NPFFR2: variants seen among roughly 807,000 people sequenced by gnomAD.
The protein encoded by NPFFR2 is neuropeptide FF receptor 2.
NPFFR2 carries 15 observed loss-of-function variants against 13.1 expected under a neutral mutation model. The ratio of observed to expected loss-of-function variants is 1.15; its 90% CI spans 0.77 to 1.76. NPFFR2 has a LOEUF of 1.76. Ranked by LOEUF, NPFFR2 falls within the 40% of genes most tolerant of loss-of-function variation. NPFFR2 has a pLI of 0.00. For missense variants in NPFFR2, 572 were observed against 503.5 expected (o/e 1.14, Z -1.30); for synonymous variants, 190 against 175.7 (o/e 1.08, Z -0.65).
At chr4:72,123,879 C>T (rs572553189) in intron 1 of NPFFR2, among the ~76,000 whole-genome samples, 1 of 152,210 alleles carries the variant, frequency 6.6e-6, no homozygotes, top group East Asian at 1.9e-4. Flanking sequence ...TCTCTCACCA[C>T]TCCTATTCAA....
At chr4:72,117,133 A>G (rs1324310629) in intron 1 of NPFFR2, among the ~76,000 whole-genome samples, 2 of 152,128 alleles carry the variant, frequency 1.3e-5, no homozygotes, top group South Asian at 2.1e-4. Context: ...AAACCTTGCT[A>G]TAGCCTGTAA....
chr4:72,141,083 T>C (rs1314146293), intron 3 of NPFFR2, among the ~76,000 whole-genome samples: 1 of 152,174 alleles, frequency 6.6e-6, no homozygotes, highest in Non-Finnish European at 1.5e-5. Context: ...GTAGTTTGTA[T>C]TTCTGTGGGA....
In NPFFR2 at chr4:72,052,153, G is replaced by A. The variant is rs1719605516; in HGVS notation, c.-8+19953G>A. 9.7e-5 allele frequency among the ~76,000 whole-genome samples: 4 copies of A among 41,142 alleles called. No homozygotes were observed. In the Admixed American group the frequency reaches 9.9e-4, roughly 10 times the overall value. The allele number at this position is 41,142 out of a possible 152,430, so 27.0% of individuals were successfully genotyped here. A position where few individuals can be genotyped will look rare whatever the true frequency, so the allele number is the denominator to read the frequency against. ...CTCCCTAACTCATTTTATGAGGCCA[G>A]CATCATTCTGATACCAAAGCCGGGC... On this transcript the variant is annotated intron_variant, in intron 1 of 3. Transcript: ENST00000308744.
intron 3 of NPFFR2, chr4:72,146,741 T>C (rs1014677539): frequency 8.9e-6 from 4 of 450,974 alleles, no homozygotes; most frequent in Non-Finnish European, 1.6e-5. Context: ...TGTTCATTAT[T>C]ACTTTTTATT....
intron 1 of NPFFR2, among the ~76,000 whole-genome samples, chr4:72,086,240 G>A (rs565135151): frequency 2.8e-4 from 42 of 152,118 alleles, no homozygotes; most frequent in Middle Eastern, 6.8e-3. Flanking sequence ...GTGAACTAGC[G>A]AAGTCCATAA....
At chr4:72,126,743 T>G (rs185187680) in intron 1 of NPFFR2, among the ~76,000 whole-genome samples, 6 of 152,298 alleles carry the variant, frequency 3.9e-5, no homozygotes, top group Non-Finnish European at 8.8e-5. Flanking sequence ...CTAGTGAGCT[T>G]CTCTGGTTGA....
Position 72,147,417 on chromosome 4 carries a change from C to A in NPFFR2, c.868C>A (p.Leu290Met). The change falls in exon 4 of 4, where the codon CTG (leucine) becomes ATG (methionine). Residue 290 changes from leucine (L) to methionine (M), a missense_variant. Leu to Met is a conservative substitution (Grantham distance 15). Coordinates refer to ENST00000308744, the MANE Select transcript of NPFFR2 (RefSeq NM_004885.3). ...GCTTTTTATTCTCTCATGGCTGCCC[C>A]TGTGGACTCTAATGATGCTCTCAGA... ...ALLFILSWLP[L>M]WTLMMLSDYA... The A allele has an allele frequency of 6.2e-7, 1 of 1,614,158 alleles. No individual in the cohort carries two copies.
intron 3 of NPFFR2, among the ~76,000 whole-genome samples, chr4:72,141,095 C>T (rs998140280): frequency 7.2e-5 from 11 of 151,998 alleles, no homozygotes; most frequent in African/African-American, 2.4e-4. Context: ...TCTGTGGGAT[C>T]AGTGGTGATA....
At chr4:72,092,743 G>A (rs1386479538) in intron 1 of NPFFR2, among the ~76,000 whole-genome samples, 2 of 152,108 alleles carry the variant, frequency 1.3e-5, no homozygotes, top group Non-Finnish European at 2.9e-5. Context: ...TGTGCCAGGT[G>A]AGTCTCTTGA....
intron 1 of NPFFR2, among the ~76,000 whole-genome samples, chr4:72,123,179 T>C (rs1424101668): frequency 6.6e-6 from 1 of 150,732 alleles, no homozygotes; most frequent in Non-Finnish European, 1.5e-5. Context: ...AATGGATACA[T>C]TCCTGGACAC....
chr4:72,103,497 T>A (rs1011757750), intron 1 of NPFFR2, among the ~76,000 whole-genome samples: 8 of 152,120 alleles, frequency 5.3e-5, no homozygotes, highest in African/African-American at 7.2e-5. Flanking sequence ...TTCTTTTTTT[T>A]TATATTTTAC....
At chr4:72,054,428 C>G (rs1254120524) in intron 1 of NPFFR2, among the ~76,000 whole-genome samples, 1 of 151,740 alleles carries the variant, frequency 6.6e-6, no homozygotes, top group African/African-American at 2.4e-5. Flanking sequence ...CCAAATATTC[C>G]TATAAAAAAT....
chr4:72,046,694 A>T (rs1028411855), intron 1 of NPFFR2, among the ~76,000 whole-genome samples: 1 of 152,186 alleles, frequency 6.6e-6, no homozygotes, highest in Admixed American at 6.5e-5. Context: ...AAGAATTTGG[A>T]GGAGCAGGCT....
In NPFFR2 at chr4:72,147,527, C is replaced by T. The variant is rs753159438; in HGVS notation, c.978C>T (p.Ser326=). Residue 326 remains serine (S), a synonymous_variant, in exon 4 of 4, where the codon AGC becomes AGT. Coordinates refer to ENST00000308744, the MANE Select transcript of NPFFR2 (RefSeq NM_004885.3). ...PFAHWLAFGN[S]SVNPIIYGFF... ...CACACTGGCTGGCATTCGGCAACAG[C>T]AGTGTCAATCCCATCATTTATGGTT... is the stretch of plus-strand genomic sequence containing the variant. 6.8e-6 allele frequency: 11 copies of T among 1,614,192 alleles called. No individual in the cohort carries two copies. The highest frequency in any genetic ancestry group is 9.3e-6 in the Non-Finnish European group (11 of 1,180,034).
chr4:72,096,682 C>T (rs1240904529), intron 1 of NPFFR2, among the ~76,000 whole-genome samples: 1 of 152,028 alleles, frequency 6.6e-6, no homozygotes, highest in African/African-American at 2.4e-5. Flanking sequence ...GGGATTGTGA[C>T]AACTAATTAA....
intron 1 of NPFFR2, among the ~76,000 whole-genome samples, chr4:72,042,418 G>A (rs937640267): frequency 6.6e-6 from 1 of 152,258 alleles, no homozygotes; most frequent in Middle Eastern, 3.4e-3. Flanking sequence ...GCTGCTATAA[G>A]GATAGCCAAA....
intron 1 of NPFFR2, chr4:72,039,486 C>A: frequency 1.7e-6 from 1 of 595,468 alleles, no homozygotes; most frequent in South Asian, 7.5e-5. Context: ...TATATACACT[C>A]TCAAATCAAT....
At chr4:72,076,085 G>T (rs187126339) in intron 1 of NPFFR2, among the ~76,000 whole-genome samples, 1 of 151,216 alleles carries the variant, frequency 6.6e-6, no homozygotes, top group Admixed American at 6.6e-5. Flanking sequence ...AATAACAAAG[G>T]ACCGGTAAGG....
At chr4:72,069,131 C>G (rs565857470) in intron 1 of NPFFR2, 2 of 419,402 alleles carry the variant, frequency 4.8e-6, no homozygotes, top group Non-Finnish European at 8.7e-6. Context: ...TAATGCTAAG[C>G]CTTATAAAGA....
Sources: gnomAD v4.1 joint callset for allele counts (sites outside exome capture counted in the v4.1 genomes callset) on GRCh38, gnomAD v4.1.1 for gene constraint, MANE v1.5 for transcripts, NCBI Gene and HGNC (gene_info 2026-07-23, HGNC 2026-07-21) for gene names.